The following MYH13 variants were observed in gnomAD, a reference collection of about 807,000 sequenced individuals.
MYH13 encodes the protein myosin heavy chain 13.
MYH13 carries 177 observed loss-of-function variants against 232.1 expected under a neutral mutation model. The observed-to-expected ratio is 0.76, with a 90% confidence interval of 0.67 to 0.86. The LOEUF is 0.86. Among genes scored for constraint, MYH13 ranks in the 40% least tolerant of loss-of-function variants. The probability of loss-of-function intolerance (pLI) is 0.00; values close to 1 mark genes in which losing one functional copy is unlikely to be tolerated. For missense variants in MYH13, 2,246 were observed against 2,405.9 expected (o/e 0.93, Z 1.39); for synonymous variants, 884 against 923.5 (o/e 0.96, Z 0.78).
intron 2 of MYH13, among the ~76,000 whole-genome samples, chr17:10,367,189 G>A (rs1245236066): frequency 3.9e-5 from 6 of 152,112 alleles, no homozygotes; most frequent in Non-Finnish European, 7.3e-5. Flanking sequence ...GGACGCCTTC[G>A]CACTCTTAAA....
chr17:10,355,828 C>CTTTTTTTTTTTTT (rs61338527), intron 8 of MYH13, among the ~76,000 whole-genome samples: 5 of 66,814 alleles, frequency 7.5e-5, no homozygotes, highest in African/African-American at 1.3e-4. Flanking sequence ...TTCTGTCTGA[C>CTTTTTTTTTTTTT]TTTTTTTTTT....
At chr17:10,372,375 T>C (rs930731770) in intron 1 of MYH13, among the ~76,000 whole-genome samples, 7 of 152,170 alleles carry the variant, frequency 4.6e-5, no homozygotes, top group Non-Finnish European at 1.5e-5. Flanking sequence ...TCCGTAGAGA[T>C]GGTGGCCTGA....
intron 39 of MYH13, 124 bp downstream of exon 39, chr17:10,303,072 T>G: frequency 1.3e-6 from 1 of 779,318 alleles, no homozygotes; most frequent in Non-Finnish European, 2.2e-6. Flanking sequence ...TCTGTGTTTA[T>G]AGCCTGCAAA....
chr17:10,367,833 A>G (rs566911475), intron 2 of MYH13, among the ~76,000 whole-genome samples: 1 of 152,198 alleles, frequency 6.6e-6, no homozygotes, highest in African/African-American at 2.4e-5. Context: ...TAAAATATTT[A>G]GCTATGTAAT....
At chr17:10,364,027 C>T (rs1312458123) in intron 3 of MYH13, among the ~76,000 whole-genome samples, 4 of 152,146 alleles carry the variant, frequency 2.6e-5, no homozygotes, top group Non-Finnish European at 4.4e-5. Flanking sequence ...TATAATTGGT[C>T]GGCCCATCCA....
In MYH13 at chr17:10,340,405, G is replaced by A; in HGVS notation, c.1895-4C>T. The A allele has an allele frequency of 6.2e-7, 1 of 1,611,528 alleles. No homozygotes were observed. Among genetic ancestry groups the A allele is most frequent in the South Asian group, 1.1e-5 (1 of 90,804 alleles). The stretch of plus-strand genomic sequence containing the variant: ...TTCTTGCTTCCTCCGGAGTCGCCTG[G>A]AGACAGACACAGAAGAGCGTGTTAG... On this transcript the variant is annotated splice_region_variant and splice_polypyrimidine_tract_variant and intron_variant, in intron 16 of 40. Transcript: ENST00000252172.
chr17:10,313,460 T>G, intron 29 of MYH13, 106 bp from the exon 30 acceptor site: 3 of 1,533,138 alleles, frequency 2.0e-6, no homozygotes, highest in Non-Finnish European at 2.6e-6. Flanking sequence ...CCCTATGCTG[T>G]CTTCACCAAT....
intron 16 of MYH13, among the ~76,000 whole-genome samples, chr17:10,340,688 T>C (rs1051750508): frequency 5.9e-5 from 9 of 151,890 alleles, no homozygotes; most frequent in African/African-American, 1.9e-4. Context: ...CTGGCTAATT[T>C]TTGTATTTTT....
intron 38 of MYH13, 22 bp downstream of exon 38, chr17:10,303,372 A>G: frequency 6.2e-7 from 1 of 1,613,164 alleles, no homozygotes; most frequent in Non-Finnish European, 8.5e-7. Context: ...GCATTCACTG[A>G]GGAGGTTTTT....
chr17:10,336,510 G>T (rs973825056), intron 18 of MYH13, among the ~76,000 whole-genome samples: 10 of 152,144 alleles, frequency 6.6e-5, no homozygotes, highest in Non-Finnish European at 1.3e-4. Context: ...AGGAGAGACT[G>T]CCCTTCCCGG....
At position 10,332,222 on chromosome 17, in the gene MYH13, C is replaced by T. The variant is rs945609748; in HGVS notation, c.2175G>A (p.Arg725=). The T allele has an allele frequency of 9.9e-6, 16 of 1,613,592 alleles. No individual in the cohort carries two copies. In the Middle Eastern group the frequency reaches 9.9e-4, roughly 100 times the overall value. ...SRILYADFKQ[R]YRILNASAIP... ...TAGCACTGGCATTGAGGATCCGGTA[C>T]CTAAGGAGAGAGGACATTTCCCAAA... Residue 725 remains arginine (R), a splice_region_variant and synonymous_variant, in exon 20 of 41, where the codon CGG becomes CGA. Transcript: ENST00000252172.
At chr17:10,335,668 T>C (rs1012049370) in intron 18 of MYH13, among the ~76,000 whole-genome samples, 1 of 151,714 alleles carries the variant, frequency 6.6e-6, no homozygotes, top group African/African-American at 2.4e-5. Context: ...GGCAGGAGGA[T>C]TGCTTAAACT....
intron 15 of MYH13, among the ~76,000 whole-genome samples, 160 bp from the exon 16 acceptor site, chr17:10,344,269 C>G (rs1454659766): frequency 6.6e-6 from 1 of 152,062 alleles, no homozygotes; most frequent in Admixed American, 6.6e-5. Context: ...GGGGGATGAC[C>G]AGAAAGTGCT....
intron 12 of MYH13, among the ~76,000 whole-genome samples, chr17:10,348,689 C>T (rs931269869): frequency 1.3e-5 from 2 of 150,266 alleles, no homozygotes; most frequent in Non-Finnish European, 3.0e-5. Flanking sequence ...GCCTGATACT[C>T]TTTTTTTTTT....
intron 30 of MYH13, among the ~76,000 whole-genome samples, 174 bp from the exon 31 acceptor site, chr17:10,312,931 C>T (rs927013473): frequency 5.3e-5 from 8 of 151,768 alleles, no homozygotes; most frequent in African/African-American, 1.7e-4. Flanking sequence ...TCTCAAAATG[C>T]TTGGTGGCAA....
chr17:10,370,253 C>A (rs1050723994), intron 2 of MYH13, among the ~76,000 whole-genome samples: 1 of 152,232 alleles, frequency 6.6e-6, no homozygotes, highest in Non-Finnish European at 1.5e-5. Flanking sequence ...CAATCCTCTC[C>A]GTGCATGCAG....
chr17:10,312,816 C>A (rs954162598), intron 30 of MYH13, 59 bp from the exon 31 acceptor site: 4 of 1,523,320 alleles, frequency 2.6e-6, no homozygotes, highest in Non-Finnish European at 2.7e-6. Flanking sequence ...CAGTAGGTAA[C>A]TGTCAGATGG....
chr17:10,354,266 A>T (rs1266743046), intron 11 of MYH13, among the ~76,000 whole-genome samples: 1 of 152,246 alleles, frequency 6.6e-6, no homozygotes, highest in Non-Finnish European at 1.5e-5. Flanking sequence ...AGGCAGAAAG[A>T]AAAATGGAGA....
intron 33 of MYH13, 107 bp from the exon 34 acceptor site, chr17:10,309,937 T>A: frequency 3.0e-6 from 3 of 1,008,278 alleles, no homozygotes; most frequent in Non-Finnish European, 4.0e-6. Context: ...TTAAAAAAAT[T>A]AAATTTAAAT....
Sources: gnomAD v4.1 joint callset for allele counts (sites outside exome capture counted in the v4.1 genomes callset) on GRCh38, gnomAD v4.1.1 for gene constraint, MANE v1.5 for transcripts, NCBI Gene and HGNC (gene_info 2026-07-23, HGNC 2026-07-21) for gene names.